The following PPFIA4 variants were observed in gnomAD, a reference collection of about 807,000 sequenced individuals.
PPFIA4 encodes the protein liprin-alpha-4.
PPFIA4 carries 98 observed loss-of-function variants against 145.7 expected under a neutral mutation model. The ratio of observed to expected loss-of-function variants is 0.67; its 90% confidence interval spans 0.57 to 0.80. PPFIA4 has a LOEUF of 0.80. PPFIA4 is among the 30% of genes least tolerant of loss of function. The pLI is 0.00. For missense variants in PPFIA4, 1,457 were observed against 1,632.7 expected, an observed-to-expected ratio of 0.89 and a Z score of 1.85; for synonymous variants, 628 against 649.6, an observed-to-expected ratio of 0.97 and a Z score of 0.51.
rs1245568235 is a variant in PPFIA4, at chr1:203,068,891, C to T, written c.3324+263C>T. On this transcript the variant is annotated intron_variant, in intron 27 of 29. Transcript: ENST00000295706. This position sits in a 1 kb window ranked among gnomAD's most constrained non-coding sequence, Gnocchi z 4.7. ...AGTGTGCTCTTACAATGCGCATCCCCGTCCTGCCCTGGGTACCTCTATCTC... is the reference window on the plus strand; with the variant it reads ...AGTGTGCTCTTACAATGCGCATCCCTGTCCTGCCCTGGGTACCTCTATCTC... 1.3e-5 allele frequency among the ~76,000 whole-genome samples: 2 copies of T among 152,164 alleles called. No homozygotes were observed. The highest frequency in any genetic ancestry group is 6.5e-5 in the Admixed American group (1 of 15,288).
chr1:203,075,637 C>T lies in PPFIA4; in HGVS notation c.3454C>T (p.His1152Tyr). 2 of 1,494,252 alleles carry T rather than the reference C, an allele frequency of 1.3e-6. No homozygotes were observed. The highest frequency in any genetic ancestry group is 1.3e-5 in the South Asian group (1 of 75,776). 92.6% of individuals were successfully genotyped at this position (1,494,252 alleles called of 1,614,324 possible). A position where few individuals can be genotyped will look rare whatever the true frequency, so the allele number is the denominator to read the frequency against. The change falls in exon 29 of 30, where the codon CAC becomes TAC. Residue 1152 changes from histidine (H) to tyrosine (Y), a missense_variant. Around this residue, in one of 3 missense-constraint regions of PPFIA4, gnomAD observed 146 missense variants for 126.2 expected, o/e 1.16. Coordinates refer to ENST00000295706, the MANE Select transcript of PPFIA4 (RefSeq NM_001304331.2). The surrounding 1 kb of genome is among the most constrained non-coding windows in gnomAD (Gnocchi z 4.1). Reference protein sequence around the residue: ...SWRKRFRPREHHGRGGMLSAS... With the variant: ...SWRKRFRPREYHGRGGMLSAS... ...GAGGAAGCGCTTCCGGCCGCGGGAG[C>T]ACCACGGTCGCGGCGGCATGCTCAG...
In PPFIA4 at chr1:203,045,312, G is replaced by A. The variant is rs112903072; in HGVS notation, c.667-56G>A. Reference sequence around the variant, plus strand: ...CTCCTTCCACCCCTGGGATAGGGGAGTGGGGTGGGTGGGATGCTGCTGTGA... The same window carrying A: ...CTCCTTCCACCCCTGGGATAGGGGAATGGGGTGGGTGGGATGCTGCTGTGA... On this transcript the variant is annotated intron_variant, in intron 6 of 29. Transcript: ENST00000295706. 7,549 of 1,436,404 alleles carry A rather than the reference G, an allele frequency of 5.3e-3. 289 individuals are homozygous for A. The African/African-American group carries it at 0.093, about 18-fold the overall frequency. The allele number at this position is 1,436,404 out of a possible 1,614,324, so 89.0% of individuals were successfully genotyped here. A position where few individuals can be genotyped will look rare whatever the true frequency, so the allele number is the denominator to read the frequency against.
At chr1:203,063,339 G>C (rs1264441580) in intron 24 of PPFIA4, 1 of 163,308 alleles carries the variant, frequency 6.1e-6, no homozygotes, top group Non-Finnish European at 1.3e-5. Context: ...ATTTTTTTCA[G>C]TCTTCTGCCA....
Position 203,045,077 on chromosome 1 carries a change from C to T in PPFIA4, c.667-291C>T, listed in dbSNP as rs1659971579. Among the ~76,000 whole-genome samples the T allele has an allele frequency of 2.0e-5, 3 of 152,170 alleles. No individual in the cohort carries two copies. In the South Asian group the frequency reaches 6.2e-4, roughly 31 times the overall value. On this transcript the variant is annotated intron_variant, in intron 6 of 29. Coordinates refer to ENST00000295706, the MANE Select transcript of PPFIA4 (RefSeq NM_001304331.2). ...GGCAAGATTCCTTCTCTGTCTGAAC[C>T]TTTGTTCCCCCAGTCACGCCCCTTT...
At position 203,060,998 on chromosome 1, in the gene PPFIA4, A is replaced by G. The variant is rs760889116; in HGVS notation, c.2813A>G (p.Glu938Gly). Residue 938 changes from glutamate to glycine, a missense_variant, in exon 23 of 30, where the codon GAA becomes GGA. By Grantham distance (98) the Glu-to-Gly change is moderately conservative (BLOSUM62 -2). Around this residue, in one of 3 missense-constraint regions of PPFIA4, gnomAD observed 848 missense variants for 1,046.7 expected, o/e 0.81. Coordinates refer to ENST00000295706, the MANE Select transcript of PPFIA4 (RefSeq NM_001304331.2). The surrounding 1 kb of genome is among the most constrained non-coding windows in gnomAD (Gnocchi z 4.8). ...TCTGGGAATGTCTGGGTCACCCATG[A>G]AGAGATGGAAACTCTGGAAACATCT... ...TSSGNVWVTHEEMETLETSTK... is the reference protein window; with the variant it reads ...TSSGNVWVTHGEMETLETSTK... The G allele has an allele frequency of 1.1e-5, 18 of 1,613,884 alleles. No individual in the cohort carries two copies. Among genetic ancestry groups the G allele is most frequent in the Non-Finnish European group, 1.5e-5 (18 of 1,179,880 alleles).
In PPFIA4 at chr1:203,068,694, C is replaced by G. The variant is rs1026032095; in HGVS notation, c.3324+66C>G. 3.5e-5 allele frequency: 48 copies of G among 1,384,954 alleles called. No homozygotes were observed. Among genetic ancestry groups the G allele is most frequent in the Non-Finnish European group, 4.3e-5 (46 of 1,058,744 alleles). 85.8% of individuals were successfully genotyped at this position (1,384,954 alleles called of 1,614,324 possible). On this transcript the variant is annotated intron_variant, in intron 27 of 29. Transcript: ENST00000295706. This position sits in a 1 kb window ranked among gnomAD's most constrained non-coding sequence, Gnocchi z 4.7. The stretch of plus-strand genomic sequence containing the variant: ...TATCCCTCACTTGCTCTCTTTCTTT[C>G]CCTCATACACAAAGGCTTAGGTATC...
intron 19 of PPFIA4, 127 bp downstream of exon 19, chr1:203,057,077 C>T: frequency 6.6e-7 from 1 of 1,503,912 alleles, no homozygotes; most frequent in Non-Finnish European, 8.9e-7. Context: ...AGGCAGGTTA[C>T]CTCAGATCTG....
At position 203,071,746 on chromosome 1, in the gene PPFIA4, C is replaced by A; in HGVS notation, c.3379C>A (p.Arg1127=). The change falls in exon 28 of 30, where the codon CGG becomes AGG. Residue 1127 remains arginine, a synonymous_variant. Transcript: ENST00000295706. ...TAACCTGTTGGCCTTGGGCACAGACCGGAAGCTGGATGACGTGAGTACCTG... is the reference window on the plus strand; with the variant it reads ...TAACCTGTTGGCCTTGGGCACAGACAGGAAGCTGGATGACGTGAGTACCTG... ...FNNLLALGTD[R]KLDDGDDKVF... 1 of 1,612,482 alleles carries A rather than the reference C, an allele frequency of 6.2e-7. No individual in the cohort carries two copies. Among genetic ancestry groups the A allele is most frequent in the South Asian group, 1.1e-5 (1 of 90,662 alleles).
chr1:203,066,635 C>CCTTAA (rs2102684935), intron 25 of PPFIA4, among the ~76,000 whole-genome samples: 1 of 152,288 alleles, frequency 6.6e-6, no homozygotes, highest in Non-Finnish European at 1.5e-5. Flanking sequence ...GTGACTCCTG[C>CCTTAA]CTTAGGTGGG....
chr1:203,053,616 G>C, intron 14 of PPFIA4, 137 bp from the exon 15 acceptor site: 2 of 705,974 alleles, frequency 2.8e-6, no homozygotes, highest in Non-Finnish European at 4.8e-6. Context: ...AGTAGGTCTG[G>C]TGGTGCGGCC....
At chr1:203,034,403 C>T in intron 1 of PPFIA4, 2 of 453,254 alleles carry the variant, frequency 4.4e-6, no homozygotes, top group Non-Finnish European at 8.8e-6. Context: ...TCTGGGGGTA[C>T]AAAGCTAGAC....
chr1:203,052,722 T>A (rs1158470310), intron 14 of PPFIA4, among the ~76,000 whole-genome samples: 1 of 152,088 alleles, frequency 6.6e-6, no homozygotes, highest in African/African-American at 2.4e-5. Context: ...GGTGTTAGAG[T>A]ACCTTTCTGT....
intron 8 of PPFIA4, 70 bp from the exon 9 acceptor site, chr1:203,046,178 C>T: frequency 6.9e-7 from 1 of 1,443,858 alleles, no homozygotes; most frequent in Non-Finnish European, 9.3e-7. Context: ...CTGCTCTCTG[C>T]TGAGGCTGGG....
chr1:203,044,388 C>A lies in PPFIA4; in HGVS notation c.511C>A (p.Arg171=). ...HKALDEKVRE[R]LRAALERVTT... ...CCCTTACCTCGAGCAGGTGCGAGAGCGGCTCCGGGCAGCGCTGGAGCGAGT... is the reference window on the plus strand; with the variant it reads ...CCCTTACCTCGAGCAGGTGCGAGAGAGGCTCCGGGCAGCGCTGGAGCGAGT... Residue 171 remains arginine (R), a synonymous_variant, in exon 5 of 30, where the codon CGG becomes AGG. Coordinates refer to ENST00000295706, the MANE Select transcript of PPFIA4 (RefSeq NM_001304331.2). The A allele has an allele frequency of 6.4e-7, 1 of 1,551,878 alleles. No individual in the cohort carries two copies. Among genetic ancestry groups the A allele is most frequent in the Non-Finnish European group, 8.7e-7 (1 of 1,147,698 alleles).
At position 203,044,181 on chromosome 1, in the gene PPFIA4, G is replaced by T. The variant is rs533690399; in HGVS notation, c.501+86G>T. On this transcript the variant is annotated intron_variant, in intron 4 of 29. Coordinates refer to ENST00000295706, the MANE Select transcript of PPFIA4 (RefSeq NM_001304331.2). The stretch of plus-strand genomic sequence containing the variant: ...CCCTTCTCTGAGATTTCCACATCCG[G>T]TATTTAGGGAGCACTGGCTCCCTCC... 8 of 1,415,536 alleles carry T rather than the reference G, an allele frequency of 5.7e-6. No homozygotes were observed. In the African/African-American group the frequency reaches 1.0e-4, roughly 18 times the overall value. The allele number at this position is 1,415,536 out of a possible 1,614,324, so 87.7% of individuals were successfully genotyped here. A position where few individuals can be genotyped will look rare whatever the true frequency, so the allele number is the denominator to read the frequency against.
In PPFIA4 at chr1:203,048,396, G is replaced by A; in HGVS notation, c.1224+86G>A. On this transcript the variant is annotated intron_variant, in intron 10 of 29. Coordinates refer to ENST00000295706, the MANE Select transcript of PPFIA4 (RefSeq NM_001304331.2). The surrounding 1 kb of genome is among the most constrained non-coding windows in gnomAD (Gnocchi z 5.8). ...GGTCTGTGGAAGGGGCACGGAGGAAGGGCCTGGCCAGGGACACAGCCACAG... is the reference window on the plus strand; with the variant it reads ...GGTCTGTGGAAGGGGCACGGAGGAAAGGCCTGGCCAGGGACACAGCCACAG... The A allele has an allele frequency of 6.6e-7, 1 of 1,520,270 alleles. No homozygotes were observed. Among genetic ancestry groups the A allele is most frequent in the East Asian group, 2.4e-5 (1 of 42,050 alleles). The allele number at this position is 1,520,270 out of a possible 1,614,324, so 94.2% of individuals were successfully genotyped here.
In PPFIA4 at chr1:203,068,544, G is replaced by T; in HGVS notation, c.3240G>T (p.Val1080=). Residue 1080 remains valine (V), a synonymous_variant, in exon 27 of 30, where the codon GTG becomes GTT. Coordinates refer to ENST00000295706, the MANE Select transcript of PPFIA4 (RefSeq NM_001304331.2). This position sits in a 1 kb window ranked among gnomAD's most constrained non-coding sequence, Gnocchi z 4.7. ...DYAGNLHESG[V]HGALLALDEN... is the part of the protein sequence containing the mutation. ...CAGGAAACCTGCATGAGAGTGGTGT[G>T]CATGGAGCCTTGCTGGCCCTGGACG... 1 of 1,606,990 alleles carries T rather than the reference G, an allele frequency of 6.2e-7. No individual in the cohort carries two copies.
At position 203,060,828 on chromosome 1, in the gene PPFIA4, T is replaced by TG; in HGVS notation, c.2785-142_2785-141insG. 6.9e-6 allele frequency: 5 copies of TG among 728,642 alleles called. No homozygotes were observed. In the South Asian group the frequency reaches 8.5e-5, roughly 12 times the overall value. 45.1% of individuals were successfully genotyped at this position (728,642 alleles called of 1,614,324 possible). A position where few individuals can be genotyped will look rare whatever the true frequency, so the allele number is the denominator to read the frequency against. ...GCCCCTGGGGTGGAGTCTTTCATTG[T>TG]CGGCCATCTCCATGATTGAGACCAG... On this transcript the variant is annotated intron_variant, in intron 22 of 29. Coordinates refer to ENST00000295706, the MANE Select transcript of PPFIA4 (RefSeq NM_001304331.2). This position sits in a 1 kb window ranked among gnomAD's most constrained non-coding sequence, Gnocchi z 4.8.
In PPFIA4 at chr1:203,075,859, T is replaced by A. The variant is rs1035578653; in HGVS notation, c.3574+102T>A. 5 of 1,172,030 alleles carry A rather than the reference T, an allele frequency of 4.3e-6. No homozygotes were observed. In the African/African-American group the frequency reaches 8.1e-5, roughly 19 times the overall value. 72.6% of individuals were successfully genotyped at this position (1,172,030 alleles called of 1,614,324 possible). ...GGGTGGAGAGGGGCGAGGCCGAGGC[T>A]GGTGCCCCGCGCTCCTGCGCTGCAG... is the stretch of plus-strand genomic sequence containing the variant. On this transcript the variant is annotated intron_variant, in intron 29 of 29. Transcript: ENST00000295706. This position sits in a 1 kb window ranked among gnomAD's most constrained non-coding sequence, Gnocchi z 4.1.
Sources: gnomAD v4.1 joint callset for allele counts (sites outside exome capture counted in the v4.1 genomes callset) on GRCh38, gnomAD v4.1.1 for gene constraint, gnomAD v4.1.1 regional missense constraint, Gnocchi (gnomAD v3.1) non-coding constraint, MANE v1.5 for transcripts, NCBI Gene and HGNC (gene_info 2026-07-23, HGNC 2026-07-21) for gene names.